The following SPICE1 variants were observed in gnomAD, a reference collection of about 807,000 sequenced individuals.
SPICE1 encodes spindle and centriole-associated protein 1.
A neutral mutation model predicts 102.7 loss-of-function variants in SPICE1; 75 were observed. The ratio of observed to expected loss-of-function variants is 0.73; its 90% CI spans 0.61 to 0.88. The LOEUF is 0.88. Ranked by LOEUF, SPICE1 falls within the 40% of genes least tolerant of loss-of-function variation. The probability of loss-of-function intolerance (pLI) is 0.00; values close to 1 mark genes in which losing one functional copy is unlikely to be tolerated. For missense variants in SPICE1, 979 were observed against 1,020.1 expected (o/e 0.96, Z 0.55); for synonymous variants, 308 against 350.3 (o/e 0.88, Z 1.35).
chr3:113,477,711 T>G (rs1446241728), intron 7 of SPICE1, among the ~76,000 whole-genome samples: 3 of 144,876 alleles, frequency 2.1e-5, no homozygotes, highest in African/African-American at 7.7e-5. Context: ...CCGCATGTTC[T>G]CACTCATAGG....
chr3:113,501,476 C>A (rs1256581229), intron 3 of SPICE1, among the ~76,000 whole-genome samples: 1 of 151,996 alleles, frequency 6.6e-6, no homozygotes, highest in African/African-American at 2.4e-5. Flanking sequence ...ACTGAAAAAA[C>A]AACTAAGAAA....
chr3:113,449,987 T>A (rs927004706), intron 15 of SPICE1: 2 of 201,500 alleles, frequency 9.9e-6, no homozygotes, highest in Non-Finnish European at 2.0e-5. Flanking sequence ...TTGTAATTCA[T>A]TGCTGATGAA....
At chr3:113,458,178 CT>C (rs1935826235) in intron 12 of SPICE1, among the ~76,000 whole-genome samples, 10 of 290 alleles carry the variant, frequency 0.034, no homozygotes, top group African/African-American at 0.047. Context: ...TCCCGTCTCC[CT>C]CTCCCGTCTC....
intron 7 of SPICE1, among the ~76,000 whole-genome samples, chr3:113,477,594 T>C (rs557356374): frequency 5.3e-5 from 8 of 152,238 alleles, no homozygotes; most frequent in African/African-American, 1.9e-4. Flanking sequence ...CACCATGGAA[T>C]ACTATGCAGC....
At chr3:113,455,063 C>G (rs1935750454) in intron 13 of SPICE1, among the ~76,000 whole-genome samples, 1 of 152,214 alleles carries the variant, frequency 6.6e-6, no homozygotes, top group Non-Finnish European at 1.5e-5. Context: ...TTTAAAAACT[C>G]TTGTCTTCCT....
intron 7 of SPICE1, among the ~76,000 whole-genome samples, chr3:113,475,026 T>C (rs1280579336): frequency 6.6e-6 from 1 of 152,090 alleles, no homozygotes; most frequent in Non-Finnish European, 1.5e-5. Context: ...ACAAAATTGA[T>C]AGACTGCTAG....
chr3:113,475,817 C>G (rs1327770467), intron 7 of SPICE1, among the ~76,000 whole-genome samples: 1 of 152,202 alleles, frequency 6.6e-6, no homozygotes, highest in Admixed American at 6.5e-5. Context: ...GACAAACCCA[C>G]AGCCAATATC....
intron 16 of SPICE1, among the ~76,000 whole-genome samples, chr3:113,446,911 T>C (rs1321142232): frequency 1.3e-5 from 2 of 152,220 alleles, no homozygotes; most frequent in Non-Finnish European, 2.9e-5. Context: ...ACTTGAATTG[T>C]ATCTCCCAGA....
intron 7 of SPICE1, among the ~76,000 whole-genome samples, chr3:113,485,751 A>G (rs1421974204): frequency 6.6e-6 from 1 of 152,178 alleles, no homozygotes; most frequent in African/African-American, 2.4e-5. Flanking sequence ...GCAAAATTCA[A>G]CGTCATAAAG....
Position 113,463,833 on chromosome 3 carries a change from C to T in SPICE1, c.1287+1820G>A, listed in dbSNP as rs151292005. 4.6e-3 allele frequency among the ~76,000 whole-genome samples: 705 copies of T among 152,282 alleles called. 3 individuals are homozygous for T. Among genetic ancestry groups the T allele is most frequent in the Non-Finnish European group, 8.5e-3 (577 of 68,012 alleles). ...CCTGTAATCCCAACACTTTGGGAGG[C>T]CAAGTCAGGCAGATCACGAGGTCAG... On this transcript the variant is annotated intron_variant, in intron 11 of 17. Coordinates refer to ENST00000295872, the MANE Select transcript of SPICE1 (RefSeq NM_144718.4).
At chr3:113,488,487 G>A (rs563725385) in intron 7 of SPICE1, among the ~76,000 whole-genome samples, 2 of 152,300 alleles carry the variant, frequency 1.3e-5, no homozygotes, top group East Asian at 3.9e-4. Flanking sequence ...TATTCTAAGT[G>A]AAGTAACTGA....
At chr3:113,477,728 C>G (rs1225457790) in intron 7 of SPICE1, among the ~76,000 whole-genome samples, 1 of 138,572 alleles carries the variant, frequency 7.2e-6, no homozygotes, top group African/African-American at 2.7e-5. Flanking sequence ...TAGGTGGGAA[C>G]TGAACAATGA....
At position 113,468,422 on chromosome 3, in the gene SPICE1, CATTCTATTTTA is replaced by C. The variant is rs1559962995; in HGVS notation, c.890-29_890-19del. The C allele has an allele frequency of 6.2e-7, 1 of 1,606,036 alleles. No homozygotes were observed. Among genetic ancestry groups the C allele is most frequent in the Non-Finnish European group, 8.5e-7 (1 of 1,174,452 alleles). ...CCTTTTCACTGATAATGAGAGAAGT[CATTCTATTTTA>C]AGACCAGGAAAAATTATGACTAGAA... is the stretch of plus-strand genomic sequence containing the variant. On this transcript the variant is annotated intron_variant, in intron 9 of 17. Coordinates refer to ENST00000295872, the MANE Select transcript of SPICE1 (RefSeq NM_144718.4).
intron 12 of SPICE1, 83 bp from the exon 13 acceptor site, chr3:113,457,440 C>A: frequency 7.3e-7 from 1 of 1,372,916 alleles, no homozygotes; most frequent in South Asian, 1.3e-5. Flanking sequence ...TTAAATGCAT[C>A]TCAGTAGAGT....
chr3:113,457,496 T>C, intron 12 of SPICE1, 139 bp from the exon 13 acceptor site: 1 of 795,636 alleles, frequency 1.3e-6, no homozygotes, highest in Non-Finnish European at 2.0e-6. Context: ...CTTCACTTTC[T>C]AGGCTGTATC....
intron 7 of SPICE1, among the ~76,000 whole-genome samples, chr3:113,470,826 G>C (rs1176923732): frequency 2.6e-5 from 4 of 152,192 alleles, no homozygotes; most frequent in Non-Finnish European, 4.4e-5. Flanking sequence ...TTTCAAAGTT[G>C]CTTGGAACTG....
intron 4 of SPICE1, among the ~76,000 whole-genome samples, chr3:113,498,347 A>G (rs1456510397): frequency 1.3e-5 from 2 of 152,148 alleles, no homozygotes; most frequent in South Asian, 2.1e-4. Context: ...TACCACATCT[A>G]TAACTTGTAT....
rs1365861962 is a variant in SPICE1, at chr3:113,477,022, C to T, written c.612-7784G>A. On this transcript the variant is annotated intron_variant, in intron 7 of 17. Coordinates refer to ENST00000295872, the MANE Select transcript of SPICE1 (RefSeq NM_144718.4). Reference sequence around the variant, plus strand: ...AACCTACAAAATGGGAGAAAATTTTCGCAACCTACTCATCTGACAAAGGGC... The same window carrying T: ...AACCTACAAAATGGGAGAAAATTTTTGCAACCTACTCATCTGACAAAGGGC... Among the ~76,000 whole-genome samples, 6 of 151,928 alleles carry T rather than the reference C, an allele frequency of 3.9e-5. No homozygotes were observed. The South Asian group carries it at 6.2e-4, about 16-fold the overall frequency.
chr3:113,457,375 A>C lies in SPICE1; in HGVS notation c.1436-18T>G, dbSNP rs1935802779. ...TGGACGCTCTGAAGAAGATGAGAGG[A>C]TATTAGTACAATAGGAACAAAAAGA... On this transcript the variant is annotated intron_variant, in intron 12 of 17. Transcript: ENST00000295872. 1 of 1,611,838 alleles carries C rather than the reference A, an allele frequency of 6.2e-7. No homozygotes were observed. Among genetic ancestry groups the C allele is most frequent in the African/African-American group, 1.3e-5 (1 of 74,870 alleles).
Sources: gnomAD v4.1 joint callset for allele counts (sites outside exome capture counted in the v4.1 genomes callset) on GRCh38, gnomAD v4.1.1 for gene constraint, MANE v1.5 for transcripts, NCBI Gene and HGNC (gene_info 2026-07-23, HGNC 2026-07-21) for gene names.